Variants in NR6A1 observed in about 807,000 individuals in gnomAD.
The protein encoded by NR6A1 is retinoic acid receptor-related testis-associated receptor.
A neutral mutation model predicts 59.1 loss-of-function variants in NR6A1; 7 were observed. The observed-to-expected ratio is 0.12, with a 90% CI of 0.07 to 0.22. The LOEUF is 0.22. Ranked by LOEUF, NR6A1 falls within the 10% of genes least tolerant of loss-of-function variation. The probability of loss-of-function intolerance (pLI) is 1.00; values close to 1 mark genes in which losing one functional copy is unlikely to be tolerated. For missense variants in NR6A1, 468 were observed against 611.6 expected (o/e 0.77, Z 2.48); for synonymous variants, 243 against 236.1 (o/e 1.03, Z -0.27).
intron 2 of NR6A1, among the ~76,000 whole-genome samples, chr9:124,690,133 T>C (rs1838482032): frequency 6.6e-6 from 1 of 152,218 alleles, no homozygotes; most frequent in Admixed American, 6.5e-5. Flanking sequence ...CTTATAGTGA[T>C]GCTTCCTGCA....
chr9:124,624,995 T>G (rs1836192974), intron 2 of NR6A1, among the ~76,000 whole-genome samples: 2 of 150,992 alleles, frequency 1.3e-5, no homozygotes, highest in South Asian at 4.2e-4. Context: ...CCAATATATA[T>G]TTGGATAACT....
chr9:124,590,402 G>C (rs984435781), intron 2 of NR6A1, among the ~76,000 whole-genome samples: 3 of 151,212 alleles, frequency 2.0e-5, no homozygotes, highest in Non-Finnish European at 2.9e-5. Context: ...CCCAAAGTGA[G>C]AGCAAATCCC....
intron 2 of NR6A1, among the ~76,000 whole-genome samples, chr9:124,587,129 G>C (rs1834960048): frequency 1.3e-5 from 2 of 152,294 alleles, no homozygotes; most frequent in Admixed American, 6.5e-5. Context: ...TCTCACAGCA[G>C]CAAAATGATT....
intron 2 of NR6A1, among the ~76,000 whole-genome samples, chr9:124,572,519 A>G (rs1438030190): frequency 6.6e-6 from 1 of 152,226 alleles, no homozygotes; most frequent in Non-Finnish European, 1.5e-5. Flanking sequence ...GGAAATGATT[A>G]CCCAAGGTCA....
At chr9:124,626,510 G>C (rs1043021821) in intron 2 of NR6A1, among the ~76,000 whole-genome samples, 9 of 152,176 alleles carry the variant, frequency 5.9e-5, no homozygotes, top group Middle Eastern at 3.2e-3. Context: ...AGAAATATCA[G>C]AGATAAATTA....
At chr9:124,547,707 T>C (rs542537505) in intron 3 of NR6A1, among the ~76,000 whole-genome samples, 2 of 152,302 alleles carry the variant, frequency 1.3e-5, no homozygotes, top group South Asian at 4.1e-4. Context: ...CCTGCATGTA[T>C]TCGTGAGGAA....
At chr9:124,528,212 T>C (rs1360732104) in intron 7 of NR6A1, among the ~76,000 whole-genome samples, 1 of 152,160 alleles carries the variant, frequency 6.6e-6, no homozygotes, top group Non-Finnish European at 1.5e-5. Context: ...CAGGACACTT[T>C]CTCTTGCTTG....
chr9:124,761,876 T>C (rs1267262265), intron 1 of NR6A1, among the ~76,000 whole-genome samples: 3 of 152,204 alleles, frequency 2.0e-5, no homozygotes, highest in Non-Finnish European at 4.4e-5. Flanking sequence ...AAGACAATTA[T>C]CAGTTAAGCA....
intron 2 of NR6A1, among the ~76,000 whole-genome samples, chr9:124,697,530 T>C (rs1017315662): frequency 6.6e-6 from 1 of 151,842 alleles, no homozygotes; most frequent in African/African-American, 2.4e-5. Flanking sequence ...CTTGGTGAAA[T>C]AGAGTAAGCA....
intron 2 of NR6A1, among the ~76,000 whole-genome samples, chr9:124,727,245 G>T (rs1315930212): frequency 6.6e-6 from 1 of 152,126 alleles, no homozygotes; most frequent in Admixed American, 6.5e-5. Flanking sequence ...TAGCTTGTGG[G>T]AAAAAACCCA....
At chr9:124,617,618 C>G (rs762009794) in intron 2 of NR6A1, among the ~76,000 whole-genome samples, 3 of 152,050 alleles carry the variant, frequency 2.0e-5, no homozygotes. Flanking sequence ...TTGTCAGTTC[C>G]CCTAGTGATT....
At chr9:124,609,125 T>G (rs535704111) in intron 2 of NR6A1, among the ~76,000 whole-genome samples, 114 of 152,148 alleles carry the variant, frequency 7.5e-4, no homozygotes, top group Middle Eastern at 3.4e-3. Flanking sequence ...CTGTCCTATT[T>G]GTCAATTTTT....
intron 2 of NR6A1, among the ~76,000 whole-genome samples, chr9:124,589,910 C>CA (rs1204053691): frequency 6.6e-6 from 1 of 151,542 alleles, no homozygotes; most frequent in Admixed American, 6.6e-5. Context: ...ACTAAAAATG[C>CA]AAAAATCAGC....
rs149256112 is a variant in NR6A1 at position 124,759,649 on chromosome 9, T to C, written c.100+11371A>G. 3.7e-4 allele frequency among the ~76,000 whole-genome samples: 56 copies of C among 152,366 alleles called. No homozygotes were observed. In the East Asian group the frequency reaches 0.011, roughly 29 times the overall value. Reference sequence around the variant, plus strand: ...AGATAAAAGACATTGTACTCCTGCCTTGAGTAACTCAAAACGCCTTCATTC... The same window carrying C: ...AGATAAAAGACATTGTACTCCTGCCCTGAGTAACTCAAAACGCCTTCATTC... On this transcript the variant is annotated intron_variant, in intron 1 of 9. Transcript: ENST00000487099.
intron 2 of NR6A1, among the ~76,000 whole-genome samples, chr9:124,593,077 C>G (rs1835173631): frequency 6.6e-6 from 1 of 152,146 alleles, no homozygotes; most frequent in Admixed American, 6.5e-5. Context: ...ATTGGCGGAA[C>G]TGCTCACTTT....
At chr9:124,724,406 C>A (rs1258151135) in intron 2 of NR6A1, among the ~76,000 whole-genome samples, 2 of 150,998 alleles carry the variant, frequency 1.3e-5, no homozygotes, top group African/African-American at 2.4e-5. Context: ...CACCAAGATC[C>A]TCAACCAGCT....
intron 2 of NR6A1, among the ~76,000 whole-genome samples, chr9:124,633,066 T>A (rs535893545): frequency 9.5e-4 from 144 of 152,224 alleles, no homozygotes; most frequent in Middle Eastern, 3.4e-3. Flanking sequence ...TCTTAGGTAA[T>A]CTTTCCACCG....
intron 2 of NR6A1, among the ~76,000 whole-genome samples, chr9:124,569,696 A>C (rs1374781919): frequency 6.6e-6 from 1 of 152,244 alleles, no homozygotes; most frequent in Non-Finnish European, 1.5e-5. Flanking sequence ...CAGGCTGTAC[A>C]GCAGAATTGA....
At chr9:124,737,118 A>C (rs1281521010) in intron 1 of NR6A1, among the ~76,000 whole-genome samples, 1 of 152,162 alleles carries the variant, frequency 6.6e-6, no homozygotes, top group Non-Finnish European at 1.5e-5. Flanking sequence ...CAGCCTGTAA[A>C]GTGCTTGATG....
Sources: allele counts gnomAD v4.1 joint callset (sites outside exome capture counted in the v4.1 genomes callset), GRCh38; gene constraint gnomAD v4.1.1; transcripts MANE v1.5; gene names NCBI Gene and HGNC (gene_info 2026-07-23, HGNC 2026-07-21).